Variants in GPC6 observed in about 807,000 individuals in gnomAD.
The protein encoded by GPC6 is glypican-6.
Under a neutral mutation model 55.2 loss-of-function variants are expected in GPC6, and 14 were observed. That is an observed-to-expected ratio of 0.25 (90% CI 0.17 to 0.40). The LOEUF (loss-of-function observed/expected upper bound fraction) is 0.40. Ranked by LOEUF, GPC6 falls within the 10% of genes least tolerant of loss-of-function variation. The pLI is 1.00. For synonymous variants in GPC6, 278 were observed against 259.6 expected (o/e 1.07, Z -0.68); for missense variants, 641 against 708.5 (o/e 0.90, Z 1.08).
At chr13:94,371,112 T>C (rs1879521758) in intron 6 of GPC6, among the ~76,000 whole-genome samples, 1 of 152,142 alleles carries the variant, frequency 6.6e-6, no homozygotes, top group Non-Finnish European at 1.5e-5. Context: ...CAGCAGCAAG[T>C]TAATGGTGGT....
intron 3 of GPC6, among the ~76,000 whole-genome samples, chr13:93,877,889 C>G (rs1874691716): frequency 6.6e-6 from 1 of 151,922 alleles, no homozygotes; most frequent in South Asian, 2.1e-4. Flanking sequence ...TCATAAATGA[C>G]TATGGGAGAC....
intron 6 of GPC6, among the ~76,000 whole-genome samples, chr13:94,347,663 T>C (rs1447887272): frequency 6.6e-6 from 1 of 152,228 alleles, no homozygotes; most frequent in Non-Finnish European, 1.5e-5. Context: ...GGAAGTAAGG[T>C]CTTTCCTTTT....
chr13:94,294,689 T>G (rs1344547693), intron 5 of GPC6, among the ~76,000 whole-genome samples: 2 of 152,202 alleles, frequency 1.3e-5, no homozygotes, highest in Non-Finnish European at 2.9e-5. Context: ...AATAATATCT[T>G]GGAAATTCAG....
chr13:94,300,578 T>C (rs9301951), intron 5 of GPC6, among the ~76,000 whole-genome samples: 12,513 of 152,240 alleles, frequency 0.082, 849 homozygotes, highest in East Asian at 0.2. Context: ...AGAGGATTCA[T>C]GAGCCAGATA....
chr13:93,759,101 A>G (rs567379368), intron 2 of GPC6, among the ~76,000 whole-genome samples: 25 of 152,288 alleles, frequency 1.6e-4, no homozygotes, highest in African/African-American at 4.8e-5. Flanking sequence ...CTCCTCTGGC[A>G]GATAAGTCTG....
chr13:93,523,453 A>T (rs1881521568), intron 1 of GPC6, among the ~76,000 whole-genome samples: 1 of 32,212 alleles, frequency 3.1e-5, no homozygotes, highest in Admixed American at 2.4e-4. Context: ...ACACACACAC[A>T]TACACACATA....
At chr13:93,413,608 T>A (rs1183640306) in intron 1 of GPC6, among the ~76,000 whole-genome samples, 1 of 151,874 alleles carries the variant, frequency 6.6e-6, no homozygotes, top group Non-Finnish European at 1.5e-5. Flanking sequence ...AGTTGGTGGA[T>A]TTTTTGCTAT....
intron 4 of GPC6, among the ~76,000 whole-genome samples, chr13:94,256,466 A>G (rs746907921): frequency 2.0e-4 from 31 of 152,164 alleles, no homozygotes; most frequent in Non-Finnish European, 4.4e-4. Flanking sequence ...CCAGGAACAG[A>G]CCAAGAGCAA....
intron 4 of GPC6, among the ~76,000 whole-genome samples, chr13:94,033,821 A>G (rs1883226765): frequency 6.6e-6 from 1 of 152,220 alleles, no homozygotes; most frequent in Non-Finnish European, 1.5e-5. Flanking sequence ...AGAGCTGTAT[A>G]TAGCAGCAAA....
chr13:93,530,800 T>C (rs1256695976), intron 1 of GPC6, among the ~76,000 whole-genome samples: 3 of 152,146 alleles, frequency 2.0e-5, no homozygotes, highest in African/African-American at 7.2e-5. Flanking sequence ...CTGGAGGAAA[T>C]ACTACATAGA....
At chr13:94,229,260 G>A (rs1335720150) in intron 4 of GPC6, among the ~76,000 whole-genome samples, 1 of 152,028 alleles carries the variant, frequency 6.6e-6, no homozygotes, top group African/African-American at 2.4e-5. Context: ...GAATAATCTT[G>A]TTCTTTTATT....
chr13:94,384,093 A>T (rs1880297253), intron 7 of GPC6, among the ~76,000 whole-genome samples: 1 of 152,222 alleles, frequency 6.6e-6, no homozygotes, highest in Admixed American at 6.5e-5. Context: ...ATTGCTAATG[A>T]CATTATTAAC....
In GPC6 at chr13:93,309,373, G is replaced by A. The variant is rs1302589226; in HGVS notation, c.160+81757G>A. ...TAATTCATGATGTTGCTATTTTTTTGGTTAGCATGAATATACACATTTATG... is the reference window on the plus strand; with the variant it reads ...TAATTCATGATGTTGCTATTTTTTTAGTTAGCATGAATATACACATTTATG... On this transcript the variant is annotated intron_variant, in intron 1 of 8. Coordinates refer to ENST00000377047, the MANE Select transcript of GPC6 (RefSeq NM_005708.5). 2.0e-5 allele frequency among the ~76,000 whole-genome samples: 3 copies of A among 151,688 alleles called. No homozygotes were observed. In the East Asian group the frequency reaches 5.8e-4, roughly 29 times the overall value.
At chr13:93,817,842 A>G (rs965588160) in intron 2 of GPC6, among the ~76,000 whole-genome samples, 1 of 149,826 alleles carries the variant, frequency 6.7e-6, no homozygotes, top group Non-Finnish European at 1.5e-5. Context: ...TGGGTGACAG[A>G]GTGAGACCCT....
chr13:93,810,302 C>T (rs1383293568), intron 2 of GPC6, among the ~76,000 whole-genome samples: 1 of 152,210 alleles, frequency 6.6e-6, no homozygotes, highest in East Asian at 1.9e-4. Flanking sequence ...CTTTCTATCA[C>T]TTTTCTAAAT....
intron 2 of GPC6, among the ~76,000 whole-genome samples, chr13:93,760,289 G>T (rs901575904): frequency 1.3e-5 from 2 of 152,128 alleles, no homozygotes. Context: ...ATGTTAAGCC[G>T]CTTCTCAGGA....
At chr13:93,685,896 A>G (rs1882032068) in intron 2 of GPC6, among the ~76,000 whole-genome samples, 1 of 152,152 alleles carries the variant, frequency 6.6e-6, no homozygotes, top group Non-Finnish European at 1.5e-5. Flanking sequence ...TCAGATTATG[A>G]ATTTTGGAAG....
At chr13:93,475,142 TTAGA>T (rs1481408392) in intron 1 of GPC6, among the ~76,000 whole-genome samples, 1 of 148,642 alleles carries the variant, frequency 6.7e-6, no homozygotes, top group African/African-American at 2.5e-5. Context: ...ACCTGAATCC[TTAGA>T]TAAATAAATA....
intron 6 of GPC6, among the ~76,000 whole-genome samples, chr13:94,351,463 G>A (rs1243411323): frequency 1.3e-5 from 2 of 152,032 alleles, no homozygotes; most frequent in Non-Finnish European, 2.9e-5. Flanking sequence ...CAAAGCAATA[G>A]GAAAGAACTT....
Sources: gnomAD v4.1 joint callset for allele counts (sites outside exome capture counted in the v4.1 genomes callset) on GRCh38, gnomAD v4.1.1 for gene constraint, MANE v1.5 for transcripts, NCBI Gene and HGNC (gene_info 2026-07-23, HGNC 2026-07-21) for gene names.